Variants in TMEM108 observed in about 807,000 individuals in gnomAD.
TMEM108 encodes the protein cancer/testis antigen 124.
A neutral mutation model predicts 35.1 loss-of-function variants in TMEM108; 12 were observed. The ratio of observed to expected loss-of-function variants is 0.34; its 90% CI spans 0.22 to 0.55. TMEM108 has a LOEUF of 0.55. Ranked by LOEUF, TMEM108 falls within the 20% of genes least tolerant of loss-of-function variation. TMEM108 has a pLI of 0.89. For synonymous variants in TMEM108, 287 were observed against 308.6 expected, an observed-to-expected ratio of 0.93 and a Z score of 0.73; for missense variants, 680 against 753.3, an observed-to-expected ratio of 0.90 and a Z score of 1.14.
At chr3:133,386,873 CTA>C (rs780521060) in intron 4 of TMEM108, 12 of 603,668 alleles carry the variant, frequency 2.0e-5, no homozygotes, top group Non-Finnish European at 2.5e-5. Context: ...AAGATCAATA[CTA>C]TTAGCTTCTA....
At chr3:133,140,351 C>T (rs750781910) in intron 2 of TMEM108, among the ~76,000 whole-genome samples, 1 of 152,044 alleles carries the variant, frequency 6.6e-6, no homozygotes, top group Non-Finnish European at 1.5e-5. Context: ...ATGACTTGGC[C>T]CTAAACCATA....
intron 3 of TMEM108, among the ~76,000 whole-genome samples, chr3:133,314,657 G>A (rs79993810): frequency 0.021 from 3,127 of 152,260 alleles, 95 homozygotes; most frequent in African/African-American, 0.071. Flanking sequence ...TAGTCCCTCA[G>A]ATGTCTATGA....
intron 3 of TMEM108, among the ~76,000 whole-genome samples, chr3:133,292,855 T>G (rs570537683): frequency 6.6e-6 from 1 of 152,324 alleles, no homozygotes; most frequent in Admixed American, 6.5e-5. Flanking sequence ...CTATTTCATA[T>G]GCCACTTGCT....
At chr3:133,371,316 G>T (rs778246872) in intron 3 of TMEM108, among the ~76,000 whole-genome samples, 1 of 152,148 alleles carries the variant, frequency 6.6e-6, no homozygotes, top group Non-Finnish European at 1.5e-5. Context: ...CCCAGACTCA[G>T]CTGCATGGGC....
intron 3 of TMEM108, among the ~76,000 whole-genome samples, chr3:133,330,641 C>G (rs1161765797): frequency 6.6e-6 from 1 of 152,002 alleles, no homozygotes; most frequent in Non-Finnish European, 1.5e-5. Context: ...TGTTGTTTAG[C>G]AAAAATAAAG....
At chr3:133,283,948 T>G (rs1576431863) in intron 3 of TMEM108, among the ~76,000 whole-genome samples, 1 of 152,010 alleles carries the variant, frequency 6.6e-6, no homozygotes, top group Non-Finnish European at 1.5e-5. Flanking sequence ...GTAGCAAACG[T>G]GGACAAGCCA....
intron 2 of TMEM108, among the ~76,000 whole-genome samples, chr3:133,188,380 TG>T (rs1157152306): frequency 6.6e-6 from 1 of 151,662 alleles, no homozygotes; most frequent in African/African-American, 2.4e-5. Context: ...CATTTGTGGG[TG>T]GGTTCCAGCT....
intron 2 of TMEM108, among the ~76,000 whole-genome samples, chr3:133,147,148 C>G (rs1944732979): frequency 6.6e-6 from 1 of 152,180 alleles, no homozygotes. Context: ...CCCAGAGATT[C>G]TGTTACGTTG....
intron 2 of TMEM108, among the ~76,000 whole-genome samples, chr3:133,223,185 G>A (rs761624412): frequency 1.2e-4 from 19 of 152,286 alleles, no homozygotes; most frequent in East Asian, 3.9e-4. Flanking sequence ...GTGTCTGTGC[G>A]TTTGAAGAAA....
chr3:133,393,918 G>T (rs1313670364), intron 5 of TMEM108, among the ~76,000 whole-genome samples: 1 of 152,240 alleles, frequency 6.6e-6, no homozygotes, highest in South Asian at 2.1e-4. Context: ...AGAAAGGGCT[G>T]CCCCAGCCAG....
rs546005379 is a variant in TMEM108, at chr3:133,158,272, A to G, written c.-46-70994A>G. On this transcript the variant is annotated intron_variant, in intron 2 of 5. Coordinates refer to ENST00000321871, the MANE Select transcript of TMEM108 (RefSeq NM_023943.4). ...GTCACGAGGTCAAGAAATCGAGACC[A>G]TCCCGGCCAACATGGTGAAACCCCA... 1.4e-4 allele frequency among the ~76,000 whole-genome samples: 22 copies of G among 152,058 alleles called. No homozygotes were observed. In the South Asian group the frequency reaches 4.6e-3, roughly 32 times the overall value.
chr3:133,380,727 C>G lies in TMEM108; in HGVS notation c.1016C>G (p.Thr339Ser). 6.2e-7 allele frequency: 1 copy of G among 1,614,102 alleles called. No homozygotes were observed. Among genetic ancestry groups the G allele is most frequent in the East Asian group, 2.2e-5 (1 of 44,880 alleles). The change falls in exon 4 of 6, where the codon ACC (threonine) becomes AGC (serine). Residue 339 changes from threonine (T) to serine (S), a missense_variant. Thr to Ser is a moderately conservative substitution (Grantham distance 58). Around this residue, in one of 3 missense-constraint regions of TMEM108, gnomAD observed 526 missense variants for 532.1 expected, o/e 0.99. Coordinates refer to ENST00000321871, the MANE Select transcript of TMEM108 (RefSeq NM_023943.4). The surrounding 1 kb of genome is among the most constrained non-coding windows in gnomAD (Gnocchi z 5.3). The stretch of plus-strand genomic sequence containing the variant: ...CATAGTGACTCTTGGCTTACTGTTA[C>G]CCCTGGCACCAGCAGACCTCTGTCT... Reference protein sequence around the residue: ...PSHSDSWLTVTPGTSRPLSTS... With the variant: ...PSHSDSWLTVSPGTSRPLSTS...
At chr3:133,218,621 T>A (rs1002044407) in intron 2 of TMEM108, among the ~76,000 whole-genome samples, 5 of 152,076 alleles carry the variant, frequency 3.3e-5, no homozygotes, top group African/African-American at 1.2e-4. Flanking sequence ...GGATGTTGAA[T>A]TTTTTCAAAC....
chr3:133,236,417 C>T (rs1946238367), intron 3 of TMEM108, among the ~76,000 whole-genome samples: 1 of 152,110 alleles, frequency 6.6e-6, no homozygotes, highest in African/African-American at 2.4e-5. Flanking sequence ...TTTCTGCCAT[C>T]TTTACCTGGG....
At chr3:133,281,583 G>C (rs1946913147) in intron 3 of TMEM108, among the ~76,000 whole-genome samples, 1 of 152,212 alleles carries the variant, frequency 6.6e-6, no homozygotes, top group East Asian at 1.9e-4. Context: ...GAGCAGAGGT[G>C]GTACTTTGAG....
intron 2 of TMEM108, among the ~76,000 whole-genome samples, chr3:133,077,741 T>C (rs962948072): frequency 6.6e-6 from 1 of 152,292 alleles, no homozygotes; most frequent in East Asian, 1.9e-4. Flanking sequence ...CCTTTTGAGT[T>C]GGCTAGCTTC....
intron 2 of TMEM108, among the ~76,000 whole-genome samples, chr3:133,199,192 T>C: frequency 6.6e-6 from 1 of 152,222 alleles, no homozygotes; most frequent in Non-Finnish European, 1.5e-5. Context: ...ATTCGTCTAA[T>C]CTTTTTTCAA....
chr3:133,044,974 T>TG (rs398052279), intron 1 of TMEM108, among the ~76,000 whole-genome samples: 20 of 149,858 alleles, frequency 1.3e-4, no homozygotes, highest in African/African-American at 2.4e-4. Flanking sequence ...TTTTTTTTTT[T>TG]CTTTTTTTTT....
intron 3 of TMEM108, among the ~76,000 whole-genome samples, chr3:133,266,532 T>C (rs899135205): frequency 6.6e-6 from 1 of 152,204 alleles, no homozygotes; most frequent in African/African-American, 2.4e-5. Context: ...AAAATTGGTT[T>C]TGTTGTAAGT....
Sources: allele counts gnomAD v4.1 joint callset (sites outside exome capture counted in the v4.1 genomes callset), GRCh38; gene constraint gnomAD v4.1.1; regional missense constraint gnomAD v4.1.1; non-coding constraint Gnocchi (gnomAD v3.1); transcripts MANE v1.5; gene names NCBI Gene and HGNC (gene_info 2026-07-23, HGNC 2026-07-21).